The following PKD2L1 variants were observed in gnomAD, a reference collection of about 807,000 sequenced individuals.
The protein encoded by PKD2L1 is polycystin-2-like protein 1.
In PKD2L1, 77 loss-of-function variants were observed where a neutral mutation model predicts 93.0. The ratio of observed to expected loss-of-function variants is 0.83; its 90% CI spans 0.69 to 1.00. PKD2L1 has a LOEUF of 1.00. Ranked by LOEUF, PKD2L1 falls within the 50% of genes least tolerant of loss-of-function variation. The pLI, the probability that PKD2L1 is intolerant of heterozygous loss-of-function variation, is 0.00. For missense variants in PKD2L1, 977 were observed against 990.9 expected (o/e 0.99, Z 0.19); for synonymous variants, 390 against 388.0 (o/e 1.01, Z -0.06).
chr10:100,329,715 T>C (rs1186910538), intron 1 of PKD2L1, among the ~76,000 whole-genome samples, 154 bp downstream of exon 1: 3 of 152,194 alleles, frequency 2.0e-5, no homozygotes, highest in Non-Finnish European at 4.4e-5. Context: ...TTCTGGGTCA[T>C]GCAGCACTAC....
In PKD2L1 at chr10:100,318,740, C is replaced by T. The variant is rs190701040; in HGVS notation, c.349+10471G>A. Among the ~76,000 whole-genome samples, 519 of 151,754 alleles carry T rather than the reference C, an allele frequency of 3.4e-3. 2 individuals are homozygous for T. Among genetic ancestry groups the T allele is most frequent in the African/African-American group, 0.012 (479 of 41,412 alleles). On this transcript the variant is annotated intron_variant, in intron 2 of 15. Coordinates refer to ENST00000318222, the MANE Select transcript of PKD2L1 (RefSeq NM_016112.3). ...TTCACCGTGTTAGCCAGGATGGTCT[C>T]GATCTACTAACCTCGTGATCCACCC... is the stretch of plus-strand genomic sequence containing the variant.
At chr10:100,321,662 GA>G (rs1221427124) in intron 2 of PKD2L1, among the ~76,000 whole-genome samples, 2 of 99,868 alleles carry the variant, frequency 2.0e-5, no homozygotes, top group African/African-American at 4.4e-5. Flanking sequence ...AACAGAGTGA[GA>G]AAAGAAAGAA....
intron 2 of PKD2L1, among the ~76,000 whole-genome samples, chr10:100,322,109 C>T (rs1180959324): frequency 6.6e-6 from 1 of 151,208 alleles, no homozygotes; most frequent in African/African-American, 2.4e-5. Context: ...GCCTGTAGAC[C>T]CAGTTACTTT....
At chr10:100,289,157 T>G (rs1848347879) in intron 14 of PKD2L1, 101 bp from the exon 15 acceptor site, 3 of 740,730 alleles carry the variant, frequency 4.1e-6, no homozygotes, top group Non-Finnish European at 6.6e-6. Flanking sequence ...TGCTATAGAC[T>G]GTTTGCGTCC....
intron 2 of PKD2L1, among the ~76,000 whole-genome samples, chr10:100,324,145 G>A (rs879897077): frequency 6.6e-6 from 1 of 152,136 alleles, no homozygotes; most frequent in Admixed American, 6.6e-5. Flanking sequence ...TTTTTTTAGA[G>A]TAATTTTAGG....
Position 100,330,041 on chromosome 10 carries a change from G to T in PKD2L1, c.63C>A (p.Asp21Glu), listed in dbSNP as rs140503948. 163 of 1,611,264 alleles carry T rather than the reference G, an allele frequency of 1.0e-4. No homozygotes were observed. The highest frequency in any genetic ancestry group is 4.9e-4 in the Middle Eastern group (3 of 6,066). The change falls in exon 1 of 16, where the codon GAC (aspartate) becomes GAA (glutamate). Residue 21 changes from aspartate to glutamate, a missense_variant. Asp to Glu is a conservative substitution (Grantham distance 45). Transcript: ENST00000318222. ...ELQKLGSGAW[D>E]NPAYSGPPSP... Reference sequence around the variant, plus strand: ...AAGGGGGACCACTGTAGGCGGGGTTGTCCCAGGCTCCACTCCCCAGCTTTT... The same window carrying T: ...AAGGGGGACCACTGTAGGCGGGGTTTTCCCAGGCTCCACTCCCCAGCTTTT...
chr10:100,290,107 C>T lies in PKD2L1; in HGVS notation c.2158G>A (p.Val720Ile), dbSNP rs527682168. 6.2e-7 allele frequency: 1 copy of T among 1,614,050 alleles called. No homozygotes were observed. Among genetic ancestry groups the T allele is most frequent in the South Asian group, 1.1e-5 (1 of 91,082 alleles). ...ATCTGGGACACTACTCCTTCCAGGA[C>T]AGTCTCCAGCTGCAGAACTCTCCTT... ...LTRRVLQLETVLEGVVSQIDA... is the reference protein window; with the variant it reads ...LTRRVLQLETILEGVVSQIDA... The change falls in exon 14 of 16, where the codon GTC becomes ATC. Residue 720 changes from valine (V) to isoleucine (I), a missense_variant. Transcript: ENST00000318222.
intron 2 of PKD2L1, among the ~76,000 whole-genome samples, chr10:100,302,042 T>G (rs937880462): frequency 1.3e-5 from 2 of 151,960 alleles, no homozygotes; most frequent in African/African-American, 4.8e-5. Context: ...TCCATGTTGG[T>G]CAGGCTGGTC....
rs182600353 is a variant in PKD2L1, at chr10:100,302,358, G to A, written c.350-2640C>T. On this transcript the variant is annotated intron_variant, in intron 2 of 15. Transcript: ENST00000318222. ...AATTTATTATTTATTTTGTTGCTCA[G>A]GTTTTTTTGGCCAGGAAATAAAAGG... Among the ~76,000 whole-genome samples, 12 of 151,646 alleles carry A rather than the reference G, an allele frequency of 7.9e-5. No individual in the cohort carries two copies. In the East Asian group the frequency reaches 2.3e-3, roughly 29 times the overall value.
rs7909153 is a variant in PKD2L1 at position 100,297,033 on chromosome 10, G to A, written c.1132C>T (p.Arg378Trp). ...CAGATGCTGCTGAGGTAGCGAAGCC[G>A]GTGAATGTGGAGCTCCAGGATCTCT... ...VEEILELHIH[R>W]LRYLSSIWNI... Residue 378 changes from arginine to tryptophan, a missense_variant, in exon 6 of 16, where the codon CGG (arginine) becomes TGG (tryptophan). Arg to Trp is a moderately radical substitution (Grantham distance 101). Transcript: ENST00000318222. 15,912 of 1,614,022 alleles carry A rather than the reference G, an allele frequency of 9.9e-3. 1,271 individuals are homozygous for A. The African/African-American group carries it at 0.18, about 18-fold the overall frequency.
Position 100,297,577 on chromosome 10 carries a change from C to T in PKD2L1, c.761G>A (p.Gly254Glu). 6.2e-7 allele frequency: 1 copy of T among 1,613,934 alleles called. No homozygotes were observed. The part of the protein sequence containing the change: ...AWTYHSQDEL[G>E]GFSHWGRLTS... Reference sequence around the variant, plus strand: ...GAGCCTGCCCCAGTGGGAGAAGCCCCCCAACTCATCCTGCGAGTGGTATGT... The same window carrying T: ...GAGCCTGCCCCAGTGGGAGAAGCCCTCCAACTCATCCTGCGAGTGGTATGT... The change falls in exon 5 of 16, where the codon GGG becomes GAG. Residue 254 changes from glycine to glutamate, a missense_variant. Physicochemically the swap from Gly to Glu is moderately conservative, Grantham distance 98 (BLOSUM62 -2). Transcript: ENST00000318222.
In PKD2L1 at chr10:100,294,529, C is replaced by G. The variant is rs1274087332; in HGVS notation, c.1659+6G>C. On this transcript the variant is annotated splice_donor_region_variant and intron_variant, in intron 9 of 15. Coordinates refer to ENST00000318222, the MANE Select transcript of PKD2L1 (RefSeq NM_016112.3). ...CTATGTCCCCACCCCTCAGAGAGAC[C>G]CTCACCAGGAGCACGAAGAAGACGA... 2 of 1,614,056 alleles carry G rather than the reference C, an allele frequency of 1.2e-6. No homozygotes were observed. The highest frequency in any genetic ancestry group is 3.3e-5 in the Admixed American group (2 of 60,016).
At chr10:100,315,480 T>C (rs772174117) in intron 2 of PKD2L1, among the ~76,000 whole-genome samples, 1 of 152,168 alleles carries the variant, frequency 6.6e-6, no homozygotes, top group Non-Finnish European at 1.5e-5. Flanking sequence ...CCTGTGTCCA[T>C]GTATTCTCGT....
In PKD2L1 at chr10:100,296,127, T is replaced by C; in HGVS notation, c.1351A>G (p.Ile451Val). 2.5e-6 allele frequency: 4 copies of C among 1,608,294 alleles called. No individual in the cohort carries two copies. The South Asian group carries it at 4.5e-5, about 18-fold the overall frequency. The stretch of plus-strand genomic sequence containing the variant: ...GGTGTGGGAATCCCAGGTACCTTGA[T>C]CCAGGCGAAGAAGAGGTTGACAGCA... The part of the protein sequence containing the change: ...MNAVNLFFAW[I>V]KIFKYISFNK... Residue 451 changes from isoleucine to valine, a missense_variant, in exon 7 of 16, where the codon ATC (isoleucine) becomes GTC (valine). Ile to Val is a conservative substitution (Grantham distance 29). Transcript: ENST00000318222.
intron 2 of PKD2L1, among the ~76,000 whole-genome samples, chr10:100,326,120 C>G (rs948853620): frequency 6.6e-6 from 1 of 152,190 alleles, no homozygotes; most frequent in Non-Finnish European, 1.5e-5. Context: ...CCCAGAGATA[C>G]CTCTGTGACC....
chr10:100,289,166 C>T (rs1848348217), intron 14 of PKD2L1, 110 bp from the exon 15 acceptor site: 2 of 694,028 alleles, frequency 2.9e-6, no homozygotes, highest in Non-Finnish European at 4.8e-6. Context: ...CTGTTTGCGT[C>T]CCTCCCAAAT....
intron 2 of PKD2L1, among the ~76,000 whole-genome samples, chr10:100,321,742 A>G (rs866508949): frequency 8.2e-4 from 6 of 7,358 alleles, no homozygotes; most frequent in Non-Finnish European, 1.0e-3. Flanking sequence ...AAAGAAAGAA[A>G]GAAAGAAAGA....
In PKD2L1 at chr10:100,293,201, A is replaced by T. The variant is rs765085532; in HGVS notation, c.1758+80T>A. The T allele has an allele frequency of 2.4e-5, 36 of 1,517,038 alleles. No individual in the cohort carries two copies. The Middle Eastern group carries it at 8.6e-4, about 36-fold the overall frequency. 94.0% of individuals were successfully genotyped at this position (1,517,038 alleles called of 1,614,324 possible). A position where few individuals can be genotyped will look rare whatever the true frequency, so the allele number is the denominator to read the frequency against. On this transcript the variant is annotated intron_variant, in intron 10 of 15. Transcript: ENST00000318222. ...ACACAAGGGCACAGGCACCTCAATC[A>T]GTCAGGAACAGACCAGGACACAGAG...
intron 2 of PKD2L1, among the ~76,000 whole-genome samples, chr10:100,305,046 A>T (rs1266305514): frequency 6.6e-6 from 1 of 152,130 alleles, no homozygotes; most frequent in Non-Finnish European, 1.5e-5. Flanking sequence ...CAGTGGAAAA[A>T]TGAAAAATAA....
Sources: gnomAD v4.1 joint callset for allele counts (sites outside exome capture counted in the v4.1 genomes callset) on GRCh38, gnomAD v4.1.1 for gene constraint, MANE v1.5 for transcripts, NCBI Gene and HGNC (gene_info 2026-07-23, HGNC 2026-07-21) for gene names.